EXOC6B: variants seen among roughly 807,000 people sequenced by gnomAD.
EXOC6B encodes SEC15 homolog B.
EXOC6B carries 54 observed loss-of-function variants against 113.5 expected under a neutral mutation model. The ratio of observed to expected loss-of-function variants is 0.48; its 90% CI spans 0.38 to 0.60. The LOEUF is 0.60. Ranked by LOEUF, EXOC6B falls within the 20% of genes least tolerant of loss-of-function variation. The pLI, the probability that EXOC6B is intolerant of heterozygous loss-of-function variation, is 0.00. For missense variants in EXOC6B, 797 were observed against 977.5 expected (o/e 0.82, Z 2.46); for synonymous variants, 357 against 339.0 (o/e 1.05, Z -0.58).
chr2:72,764,284 T>C (rs1682927506), intron 1 of EXOC6B, among the ~76,000 whole-genome samples: 1 of 151,868 alleles, frequency 6.6e-6, no homozygotes, highest in East Asian at 1.9e-4. Context: ...GTTATGCTTT[T>C]GTTTCTTGTA....
At chr2:72,802,530 C>A (rs1685345117) in intron 1 of EXOC6B, among the ~76,000 whole-genome samples, 1 of 151,806 alleles carries the variant, frequency 6.6e-6, no homozygotes, top group Non-Finnish European at 1.5e-5. Flanking sequence ...GCATAGAAAA[C>A]ATTTGAAATG....
intron 18 of EXOC6B, among the ~76,000 whole-genome samples, chr2:72,409,279 CT>C (rs1694003076): frequency 6.6e-6 from 1 of 152,192 alleles, no homozygotes; most frequent in Non-Finnish European, 1.5e-5. Flanking sequence ...GGACTGTAAA[CT>C]AGTTCAACCA....
intron 1 of EXOC6B, among the ~76,000 whole-genome samples, chr2:72,789,071 G>A (rs1415827024): frequency 6.6e-6 from 1 of 152,128 alleles, no homozygotes; most frequent in Non-Finnish European, 1.5e-5. Flanking sequence ...ACACTGATGT[G>A]GTGGAATTCA....
chr2:72,236,597 T>C (rs1681972565), intron 20 of EXOC6B, among the ~76,000 whole-genome samples: 1 of 152,168 alleles, frequency 6.6e-6, no homozygotes, highest in South Asian at 2.1e-4. Context: ...TCTGAATTGT[T>C]TTGGCATGTT....
chr2:72,487,765 G>C (rs906140523), intron 16 of EXOC6B, among the ~76,000 whole-genome samples: 1 of 152,138 alleles, frequency 6.6e-6, no homozygotes, highest in Admixed American at 6.5e-5. Flanking sequence ...ATGGGTTTAG[G>C]GAGGGAGAAC....
chr2:72,485,191 C>T (rs572984087), intron 16 of EXOC6B, among the ~76,000 whole-genome samples: 1 of 152,206 alleles, frequency 6.6e-6, no homozygotes, highest in East Asian at 1.9e-4. Context: ...TCTTGACAAA[C>T]CCCAGAAAAT....
At chr2:72,625,072 G>A (rs995732102) in intron 6 of EXOC6B, among the ~76,000 whole-genome samples, 1 of 146,544 alleles carries the variant, frequency 6.8e-6, no homozygotes, top group African/African-American at 2.6e-5. Flanking sequence ...TTTTGGGGGG[G>A]GGGTGGGTTG....
chr2:72,384,784 C>A (rs1691900071), intron 18 of EXOC6B, among the ~76,000 whole-genome samples: 1 of 151,498 alleles, frequency 6.6e-6, no homozygotes, highest in African/African-American at 2.4e-5. Context: ...TTTAAAAAAA[C>A]TTGGAAATAA....
intron 17 of EXOC6B, among the ~76,000 whole-genome samples, chr2:72,475,436 G>T (rs1050136494): frequency 1.3e-5 from 2 of 152,162 alleles, no homozygotes; most frequent in Non-Finnish European, 2.9e-5. Context: ...ATGCAGGTAG[G>T]TGCCAGCTGT....
At chr2:72,622,057 G>GA (rs1425444041) in intron 6 of EXOC6B, among the ~76,000 whole-genome samples, 22 of 151,546 alleles carry the variant, frequency 1.5e-4, no homozygotes, top group African/African-American at 5.1e-4. Flanking sequence ...AAAAAAGAAA[G>GA]AAAAAAATTA....
rs530349775 is a variant in EXOC6B, at chr2:72,215,252, T to C, written c.2197-31065A>G. On this transcript the variant is annotated intron_variant, in intron 20 of 21. Coordinates refer to ENST00000272427, the MANE Select transcript of EXOC6B (RefSeq NM_015189.3). ...TTCATGGTTCTCCTTTGAGGTAGGA[T>C]GTTATGGAGGAGAAATTATGTTTCA... 7.9e-5 allele frequency among the ~76,000 whole-genome samples: 12 copies of C among 152,264 alleles called. No individual in the cohort carries two copies. The South Asian group carries it at 2.5e-3, about 32-fold the overall frequency.
chr2:72,198,724 CTG>C (rs1042536605), intron 20 of EXOC6B, among the ~76,000 whole-genome samples: 8 of 152,188 alleles, frequency 5.3e-5, no homozygotes, highest in Non-Finnish European at 8.8e-5. Flanking sequence ...TTCCCCATAA[CTG>C]TTCTCATTCC....
intron 18 of EXOC6B, among the ~76,000 whole-genome samples, chr2:72,406,298 A>T (rs1454062917): frequency 1.3e-5 from 2 of 152,060 alleles, no homozygotes; most frequent in African/African-American, 2.4e-5. Flanking sequence ...GATCAATGAG[A>T]CAGAAAGTTA....
intron 19 of EXOC6B, among the ~76,000 whole-genome samples, chr2:72,347,977 A>C (rs1007187042): frequency 1.3e-5 from 2 of 152,158 alleles, no homozygotes; most frequent in African/African-American, 4.8e-5. Flanking sequence ...ATACTACACT[A>C]TGGCTTCTTG....
At chr2:72,434,621 G>A (rs62149292) in intron 18 of EXOC6B, among the ~76,000 whole-genome samples, 3,817 of 152,098 alleles carry the variant, frequency 0.025, 66 homozygotes, top group Non-Finnish European at 0.039. Flanking sequence ...ACTTCTTCCT[G>A]GTTTAGTCTT....
chr2:72,512,557 A>G (rs988530418), intron 11 of EXOC6B, among the ~76,000 whole-genome samples: 2 of 152,082 alleles, frequency 1.3e-5, no homozygotes, highest in African/African-American at 2.4e-5. Context: ...GGAACAGAAC[A>G]TTGGGCAGCT....
intron 17 of EXOC6B, among the ~76,000 whole-genome samples, chr2:72,466,929 A>C (rs2105427573): frequency 6.6e-6 from 1 of 152,336 alleles, no homozygotes; most frequent in African/African-American, 2.4e-5. Context: ...ATGTTATAGA[A>C]TAGATCTCTT....
At chr2:72,541,761 T>C (rs1265289678) in intron 8 of EXOC6B, among the ~76,000 whole-genome samples, 1 of 152,186 alleles carries the variant, frequency 6.6e-6, no homozygotes, top group Non-Finnish European at 1.5e-5. Flanking sequence ...AATGTTTCTT[T>C]ATGATTTAGT....
intron 19 of EXOC6B, among the ~76,000 whole-genome samples, chr2:72,337,116 C>T (rs1014866122): frequency 2.0e-5 from 3 of 151,976 alleles, no homozygotes; most frequent in African/African-American, 7.3e-5. Context: ...TAGCCAATAT[C>T]TGTGATAACC....
Sources: gnomAD v4.1 joint callset for allele counts (sites outside exome capture counted in the v4.1 genomes callset) on GRCh38, gnomAD v4.1.1 for gene constraint, MANE v1.5 for transcripts, NCBI Gene and HGNC (gene_info 2026-07-23, HGNC 2026-07-21) for gene names.